PARD3: variants seen among roughly 807,000 people sequenced by gnomAD.
PARD3 encodes the protein partitioning defective 3 homolog.
A neutral mutation model predicts 155.4 loss-of-function variants in PARD3; 75 were observed. The observed-to-expected ratio is 0.48, with a 90% CI of 0.40 to 0.58. The LOEUF (loss-of-function observed/expected upper bound fraction) is 0.58, where lower values mean the gene tolerates loss of function less well. Ranked by LOEUF, PARD3 falls within the 20% of genes least tolerant of loss-of-function variation. The pLI is 0.00. For synonymous variants in PARD3, 576 were observed against 610.5 expected (o/e 0.94, Z 0.83); for missense variants, 1,642 against 1,721.7 (o/e 0.95, Z 0.82).
At chr10:34,199,670 C>T (rs936651755) in intron 22 of PARD3, among the ~76,000 whole-genome samples, 1 of 152,156 alleles carries the variant, frequency 6.6e-6, no homozygotes. Flanking sequence ...ATAGGAGTAT[C>T]AAACATTTAC....
At chr10:34,620,049 G>C (rs997167673) in intron 2 of PARD3, among the ~76,000 whole-genome samples, 4 of 152,124 alleles carry the variant, frequency 2.6e-5, no homozygotes, top group East Asian at 1.9e-4. Flanking sequence ...CCTCCTCAGA[G>C]ACCCCACTCT....
At chr10:34,187,261 A>G (rs1207199296) in intron 22 of PARD3, among the ~76,000 whole-genome samples, 1 of 152,248 alleles carries the variant, frequency 6.6e-6, no homozygotes, top group African/African-American at 2.4e-5. Context: ...GGCAAGAAGT[A>G]TAACAGAGCA....
intron 5 of PARD3, among the ~76,000 whole-genome samples, chr10:34,435,813 T>C (rs1001758392): frequency 2.6e-5 from 4 of 152,204 alleles, no homozygotes; most frequent in African/African-American, 4.8e-5. Context: ...AAGAAAACAC[T>C]ATTGATTCTG....
chr10:34,276,915 T>C (rs533014405), intron 21 of PARD3, among the ~76,000 whole-genome samples: 133 of 152,334 alleles, frequency 8.7e-4, no homozygotes, highest in African/African-American at 3.1e-3. Context: ...TAAAAAGTTA[T>C]GTCTGCAGAA....
intron 22 of PARD3, among the ~76,000 whole-genome samples, chr10:34,239,268 A>G (rs1953427390): frequency 6.6e-6 from 1 of 152,200 alleles, no homozygotes; most frequent in South Asian, 2.1e-4. Flanking sequence ...AAGCAAAAAG[A>G]GAATGTGGAG....
rs532486088 is a variant in PARD3 at position 34,509,468 on chromosome 10, T to C, written c.403+7511A>G. 4.6e-5 allele frequency among the ~76,000 whole-genome samples: 7 copies of C among 152,332 alleles called. No homozygotes were observed. The East Asian group carries it at 7.7e-4, about 17-fold the overall frequency. On this transcript the variant is annotated intron_variant, in intron 3 of 24. Transcript: ENST00000374788. ...CAATAAGTTTAGAAGCCCAGGATAG[T>C]GTTTTATTTTCCTTTAAAATCAAAA...
intron 4 of PARD3, among the ~76,000 whole-genome samples, chr10:34,463,218 A>AAAGGGG (rs1011578642): frequency 7.8e-6 from 1 of 127,788 alleles, no homozygotes; most frequent in African/African-American, 2.9e-5. Context: ...AAGGGAAAGA[A>AAAGGGG]AAGGGGAAGG....
intron 12 of PARD3, among the ~76,000 whole-genome samples, chr10:34,371,394 T>G (rs954550338): frequency 1.1e-4 from 17 of 149,540 alleles, no homozygotes; most frequent in African/African-American, 3.9e-4. Context: ...TTGTCACCTG[T>G]TTTTAGAATT....
At chr10:34,769,784 AAACG>A (rs1391429816) in intron 1 of PARD3, among the ~76,000 whole-genome samples, 2,007 of 113,270 alleles carry the variant, frequency 0.018, 57 homozygotes, top group African/African-American at 0.073. Context: ...ACAAACAAAC[AAACG>A]AACAAAAAAA....
chr10:34,139,329 T>C (rs551030112), intron 22 of PARD3, among the ~76,000 whole-genome samples: 1 of 152,338 alleles, frequency 6.6e-6, no homozygotes, highest in Admixed American at 6.5e-5. Flanking sequence ...TCCCCTCATT[T>C]AAGAAAAATT....
At chr10:34,467,134 T>C (rs892527420) in intron 4 of PARD3, among the ~76,000 whole-genome samples, 3 of 152,014 alleles carry the variant, frequency 2.0e-5, no homozygotes, top group African/African-American at 7.3e-5. Flanking sequence ...ACAACACTGA[T>C]ACTTAAAATG....
intron 22 of PARD3, among the ~76,000 whole-genome samples, chr10:34,212,886 C>CA (rs1951823470): frequency 6.6e-6 from 1 of 152,186 alleles, no homozygotes. Flanking sequence ...ACCTCAGGCT[C>CA]AGAGGCATCA....
At chr10:34,333,131 A>G (rs539837587) in intron 18 of PARD3, among the ~76,000 whole-genome samples, 1 of 152,070 alleles carries the variant, frequency 6.6e-6, no homozygotes, top group Non-Finnish European at 1.5e-5. Context: ...TGAGTTTATT[A>G]AGGATATGTG....
Position 34,261,760 on chromosome 10 carries a change from G to GAAAA in PARD3, c.3419+7896_3419+7897insTTTT, listed in dbSNP as rs1564528050. Among the ~76,000 whole-genome samples the GAAAA allele has an allele frequency of 3.9e-4, 27 of 69,048 alleles. 1 individual carries two copies. The highest frequency in any genetic ancestry group is 1.3e-3 in the African/African-American group (27 of 21,292). 45.3% of individuals were successfully genotyped at this position (69,048 alleles called of 152,430 possible). A position where few individuals can be genotyped will look rare whatever the true frequency, so the allele number is the denominator to read the frequency against. On this transcript the variant is annotated intron_variant, in intron 22 of 24. Transcript: ENST00000374788. ...AGAAAGGAAGAAAGGAAGGAAGAAA[G>GAAAA]GAAGGAAGGAAGAAAGAAAGAAAAG...
Position 34,284,119 on chromosome 10 carries a change from A to G in PARD3, c.3176+16T>C. 1 of 1,412,614 alleles carries G rather than the reference A, an allele frequency of 7.1e-7. No homozygotes were observed. The highest frequency in any genetic ancestry group is 1.2e-5 in the South Asian group (1 of 80,604). The allele number at this position is 1,412,614 out of a possible 1,614,324, so 87.5% of individuals were successfully genotyped here. ...ACCTCTTTCTAAGGAGGTTTAATCA[A>G]GTAACTGAAGTCTACCTCTCCTGCT... On this transcript the variant is annotated intron_variant, in intron 21 of 24. Transcript: ENST00000374788.
rs16935307 is a variant in PARD3 at position 34,307,603 on chromosome 10, T to C, written c.3065+9504A>G. On this transcript the variant is annotated intron_variant, in intron 20 of 24. Coordinates refer to ENST00000374788, the MANE Select transcript of PARD3 (RefSeq NM_001184785.2). ...AACCCAAGGGCCATGGAGACTGGGG[T>C]ACATTTACACTGGCGTTGAAGGCTG... Among the ~76,000 whole-genome samples, 1,284 of 152,140 alleles carry C rather than the reference T, an allele frequency of 8.4e-3. 21 individuals are homozygous for C. Among genetic ancestry groups the C allele is most frequent in the African/African-American group, 0.029 (1,204 of 41,504 alleles).
At chr10:34,253,237 TAGTAA>T (rs1197966659) in intron 22 of PARD3, among the ~76,000 whole-genome samples, 2 of 152,190 alleles carry the variant, frequency 1.3e-5, no homozygotes. Context: ...TGAAATGGCC[TAGTAA>T]AGTAGTTTGT....
chr10:34,616,713 G>A (rs1413008487), intron 2 of PARD3, among the ~76,000 whole-genome samples: 4 of 152,122 alleles, frequency 2.6e-5, no homozygotes, highest in Non-Finnish European at 4.4e-5. Flanking sequence ...ACCAAGGAAG[G>A]AGGACTGCTT....
intron 2 of PARD3, among the ~76,000 whole-genome samples, chr10:34,622,968 C>G (rs1046723617): frequency 6.6e-6 from 1 of 151,170 alleles, no homozygotes; most frequent in Non-Finnish European, 1.5e-5. Flanking sequence ...TTTTTCCTGA[C>G]AAATGGACTG....
Sources: gnomAD v4.1 joint callset for allele counts (sites outside exome capture counted in the v4.1 genomes callset) on GRCh38, gnomAD v4.1.1 for gene constraint, MANE v1.5 for transcripts, NCBI Gene and HGNC (gene_info 2026-07-23, HGNC 2026-07-21) for gene names.